AFG1L: variants seen among roughly 807,000 people sequenced by gnomAD.
AFG1L encodes the protein AFG1-like ATPase.
AFG1L carries 53 observed loss-of-function variants against 62.2 expected under a neutral mutation model. That is an observed-to-expected ratio of 0.85 (90% CI 0.68 to 1.07). The LOEUF (loss-of-function observed/expected upper bound fraction) is 1.07. Among genes scored for constraint, AFG1L ranks in the 50% least tolerant of loss-of-function variants. The probability of loss-of-function intolerance (pLI) is 0.00; values close to 1 mark genes in which losing one functional copy is unlikely to be tolerated. For synonymous variants in AFG1L, 228 were observed against 210.3 expected, an observed-to-expected ratio of 1.08 and a Z score of -0.73; for missense variants, 555 against 590.5, an observed-to-expected ratio of 0.94 and a Z score of 0.62.
At position 108,443,727 on chromosome 6, in the gene AFG1L, T is replaced by G. The variant is rs545004788; in HGVS notation, c.808-3487T>G. ...CTGTCTCCACTAAAAATACAAAAATTACCGGGGCATGGTGACACATGCCTG... is the reference window on the plus strand; with the variant it reads ...CTGTCTCCACTAAAAATACAAAAATGACCGGGGCATGGTGACACATGCCTG... On this transcript the variant is annotated intron_variant, in intron 7 of 12. Transcript: ENST00000368977. Among the ~76,000 whole-genome samples, 6 of 151,930 alleles carry G rather than the reference T, an allele frequency of 3.9e-5. No homozygotes were observed. In the South Asian group the frequency reaches 1.3e-3, roughly 32 times the overall value.
At chr6:108,311,840 G>GTTAT (rs1351812726) in intron 1 of AFG1L, among the ~76,000 whole-genome samples, 2 of 151,854 alleles carry the variant, frequency 1.3e-5, no homozygotes, top group East Asian at 3.9e-4. Flanking sequence ...GGATAATTAA[G>GTTAT]TTATTTATTT....
intron 2 of AFG1L, among the ~76,000 whole-genome samples, chr6:108,330,189 T>A (rs567713983): frequency 0.014 from 2,071 of 149,380 alleles, 50 homozygotes; most frequent in African/African-American, 0.047. Flanking sequence ...TTTATTTTTT[T>A]TTTTTTTTTG....
At chr6:108,341,267 G>T (rs966929282) in intron 2 of AFG1L, among the ~76,000 whole-genome samples, 2 of 152,174 alleles carry the variant, frequency 1.3e-5, no homozygotes, top group African/African-American at 4.8e-5. Context: ...GACTATATTT[G>T]AAATTATGCT....
intron 10 of AFG1L, among the ~76,000 whole-genome samples, chr6:108,494,925 C>T (rs946233262): frequency 6.6e-6 from 1 of 151,828 alleles, no homozygotes; most frequent in South Asian, 2.1e-4. Flanking sequence ...CGTGCACCAC[C>T]CTGCCCAGCT....
chr6:108,343,481 G>A (rs1192434361), intron 2 of AFG1L, among the ~76,000 whole-genome samples: 2 of 151,978 alleles, frequency 1.3e-5, no homozygotes, highest in Non-Finnish European at 2.9e-5. Context: ...ATTAGAATAG[G>A]CCTTAAACTA....
Position 108,417,778 on chromosome 6 carries a change from A to G in AFG1L, c.807+15724A>G, listed in dbSNP as rs1046214415. On this transcript the variant is annotated intron_variant, in intron 7 of 12. Coordinates refer to ENST00000368977, the MANE Select transcript of AFG1L (RefSeq NM_145315.5). Reference sequence around the variant, plus strand: ...TAGTATCTTTATTTTACCAATATTAATAAAACTTAGGTAATTCTCCTAAAG... The same window carrying G: ...TAGTATCTTTATTTTACCAATATTAGTAAAACTTAGGTAATTCTCCTAAAG... Among the ~76,000 whole-genome samples, 120 of 152,298 alleles carry G rather than the reference A, an allele frequency of 7.9e-4. 1 individual carries two copies. The highest frequency in any genetic ancestry group is 2.1e-4 in the South Asian group (1 of 4,824).
chr6:108,515,440 C>A (rs1774841657), intron 11 of AFG1L, among the ~76,000 whole-genome samples: 1 of 152,158 alleles, frequency 6.6e-6, no homozygotes, highest in African/African-American at 2.4e-5. Context: ...TAAAGATGTT[C>A]TTTGAAACCA....
At chr6:108,457,804 T>A (rs1014344086) in intron 8 of AFG1L, among the ~76,000 whole-genome samples, 1 of 152,152 alleles carries the variant, frequency 6.6e-6, no homozygotes, top group African/African-American at 2.4e-5. Context: ...TTTCTCATAT[T>A]AAAGTTTTTG....
At chr6:108,508,754 G>A (rs1428806978) in intron 10 of AFG1L, among the ~76,000 whole-genome samples, 1 of 152,188 alleles carries the variant, frequency 6.6e-6, no homozygotes, top group African/African-American at 2.4e-5. Context: ...AGGCTTAAGT[G>A]AATGGACAAA....
intron 11 of AFG1L, among the ~76,000 whole-genome samples, chr6:108,512,294 G>A (rs776910053): frequency 7.9e-5 from 12 of 152,222 alleles, no homozygotes; most frequent in Non-Finnish European, 1.3e-4. Flanking sequence ...GGCAGCAAGT[G>A]TGGCTCTGAT....
intron 2 of AFG1L, among the ~76,000 whole-genome samples, chr6:108,324,866 T>A (rs1276930202): frequency 6.6e-6 from 1 of 152,108 alleles, no homozygotes; most frequent in East Asian, 1.9e-4. Flanking sequence ...CTAATTTTTG[T>A]ATTTTTAGTA....
At chr6:108,426,027 A>AC (rs769738449) in intron 7 of AFG1L, among the ~76,000 whole-genome samples, 57 of 152,280 alleles carry the variant, frequency 3.7e-4, no homozygotes, top group Non-Finnish European at 6.8e-4. Flanking sequence ...AAAGAACAGA[A>AC]CCAAAGTTTA....
rs1771885624 is a variant in AFG1L at position 108,447,947 on chromosome 6, C to T, written c.890+651C>T. On this transcript the variant is annotated intron_variant, in intron 8 of 12. Transcript: ENST00000368977. ...TTTAGTATATGCCAACAGTGTTGGG[C>T]ACATAGCAAATTCTCAGTAAATAGA... 2.6e-5 allele frequency among the ~76,000 whole-genome samples: 4 copies of T among 152,088 alleles called. No homozygotes were observed. In the South Asian group the frequency reaches 8.3e-4, roughly 32 times the overall value.
intron 6 of AFG1L, among the ~76,000 whole-genome samples, chr6:108,397,251 C>T (rs532157613): frequency 5.9e-5 from 9 of 152,144 alleles, no homozygotes; most frequent in Admixed American, 1.3e-4. Flanking sequence ...CCTCAGTCTC[C>T]CAAGTAGCTG....
chr6:108,424,604 TA>T (rs1287157615), intron 7 of AFG1L, among the ~76,000 whole-genome samples: 7 of 151,934 alleles, frequency 4.6e-5, no homozygotes, highest in African/African-American at 1.7e-4. Flanking sequence ...ATATAGCATA[TA>T]AAAATATTAT....
intron 6 of AFG1L, among the ~76,000 whole-genome samples, chr6:108,383,909 C>G (rs1780649740): frequency 6.6e-6 from 1 of 152,032 alleles, no homozygotes; most frequent in Admixed American, 6.6e-5. Flanking sequence ...TCAGATATTT[C>G]ACTGACAGGG....
chr6:108,465,645 G>T (rs141734652), intron 8 of AFG1L, among the ~76,000 whole-genome samples: 2,507 of 127,536 alleles, frequency 0.02, 41 homozygotes, highest in Non-Finnish European at 0.029. Context: ...GGGCCCTAGA[G>T]TCATAGAGTC....
intron 7 of AFG1L, among the ~76,000 whole-genome samples, chr6:108,417,298 CG>C (rs1358595674): frequency 1.4e-5 from 2 of 139,626 alleles, no homozygotes; most frequent in African/African-American, 5.3e-5. Flanking sequence ...AAAAAAAAAA[CG>C]GGGAAAAAAA....
intron 10 of AFG1L, among the ~76,000 whole-genome samples, chr6:108,505,210 C>T (rs1774356334): frequency 3.3e-5 from 5 of 151,924 alleles, no homozygotes; most frequent in Admixed American, 2.6e-4. Flanking sequence ...TCTCCTGCCT[C>T]AGCCTCCCGA....
Sources: gnomAD v4.1 joint callset for allele counts (sites outside exome capture counted in the v4.1 genomes callset) on GRCh38, gnomAD v4.1.1 for gene constraint, MANE v1.5 for transcripts, NCBI Gene and HGNC (gene_info 2026-07-23, HGNC 2026-07-21) for gene names.